The following HAT1 variants were observed in gnomAD, a reference collection of about 807,000 sequenced individuals.
HAT1 encodes the protein histone acetyltransferase 1.
HAT1 carries 20 observed loss-of-function variants against 56.6 expected under a neutral mutation model. That is an observed-to-expected ratio of 0.35 (90% CI 0.25 to 0.51). The LOEUF (loss-of-function observed/expected upper bound fraction) is 0.51, where lower values mean the gene tolerates loss of function less well. Among genes scored for constraint, HAT1 ranks in the 20% least tolerant of loss-of-function variants. HAT1 has a pLI of 0.95. For missense variants in HAT1, 408 were observed against 504.3 expected (o/e 0.81, Z 1.83); for synonymous variants, 146 against 165.5 (o/e 0.88, Z 0.91).
In HAT1 at chr2:171,970,748, A is replaced by G. The variant is rs1201291155; in HGVS notation, c.823+3799A>G. Among the ~76,000 whole-genome samples the G allele has an allele frequency of 4.0e-5, 6 of 149,960 alleles. No homozygotes were observed. In the South Asian group the frequency reaches 1.1e-3, roughly 26 times the overall value. ...TTGGCCAGGCTGGTCTCGAACTCCT[A>G]ACCTTGTGACCCTCCGGCCTCGGCC... On this transcript the variant is annotated intron_variant, in intron 8 of 10. Transcript: ENST00000264108.
chr2:171,927,601 A>G (rs1056417289), intron 2 of HAT1, among the ~76,000 whole-genome samples: 1 of 152,060 alleles, frequency 6.6e-6, no homozygotes, highest in Non-Finnish European at 1.5e-5. Context: ...ATTTTATTTT[A>G]TTTTAGAGAC....
At chr2:171,925,676 T>C in intron 2 of HAT1, 35 bp downstream of exon 2, 3 of 859,134 alleles carry the variant, frequency 3.5e-6, no homozygotes, top group Non-Finnish European at 6.1e-6. Context: ...GTTATGTACA[T>C]ACTGTGTGTG....
At chr2:171,983,157 G>T in intron 10 of HAT1, 28 bp from the exon 11 acceptor site, 1 of 1,391,056 alleles carries the variant, frequency 7.2e-7, no homozygotes, top group Non-Finnish European at 9.8e-7. Flanking sequence ...TACTTTCTTC[G>T]TCTAACAAAT....
intron 1 of HAT1, 74 bp downstream of exon 1, chr2:171,922,581 CAA>C (rs1686465330): frequency 8.4e-7 from 1 of 1,195,334 alleles, no homozygotes; most frequent in Non-Finnish European, 1.1e-6. Flanking sequence ...ACGGTGGTGA[CAA>C]TGCCCGCCTA....
chr2:171,979,223 G>A (rs1337337929), intron 9 of HAT1, 24 bp from the exon 10 acceptor site: 13 of 1,065,612 alleles, frequency 1.2e-5, no homozygotes, highest in Non-Finnish European at 1.5e-5. Context: ...GAAAATGTTC[G>A]CATTTTCTTT....
intron 4 of HAT1, 97 bp downstream of exon 4, chr2:171,953,098 A>G: frequency 6.1e-6 from 4 of 654,516 alleles, no homozygotes; most frequent in Non-Finnish European, 7.2e-6. Context: ...TAACCCCAGC[A>G]GTTTGGGGGA....
At chr2:171,957,742 A>G (rs1021231082) in intron 4 of HAT1, among the ~76,000 whole-genome samples, 4 of 152,208 alleles carry the variant, frequency 2.6e-5, no homozygotes, top group African/African-American at 4.8e-5. Context: ...AAACTTCACC[A>G]TTGATTTTTT....
In HAT1 at chr2:171,983,347, GAGTAAAGATTAT is replaced by G; in HGVS notation, c.1257_*8del. On this transcript the variant is annotated stop_lost and 3_prime_UTR_variant, in exon 11 of 11. Transcript: ENST00000264108. ...GCGTGTTATTGAACGACTTGCTCAA[GAGTAAAGATTAT>G]ACTGCTCTGTACAGGAAGCTTGCAA... 1 of 1,599,268 alleles carries G rather than the reference GAGTAAAGATTAT, an allele frequency of 6.3e-7. No individual in the cohort carries two copies.
intron 8 of HAT1, among the ~76,000 whole-genome samples, chr2:171,973,006 A>G (rs1015728540): frequency 5.3e-5 from 8 of 152,078 alleles, no homozygotes; most frequent in Non-Finnish European, 8.8e-5. Context: ...CTTCATGTCA[A>G]TGAGCTGTTC....
chr2:171,934,952 C>T (rs903056060), intron 2 of HAT1, among the ~76,000 whole-genome samples: 11 of 150,928 alleles, frequency 7.3e-5, no homozygotes, highest in Admixed American at 1.3e-4. Flanking sequence ...GGCGGGGTTT[C>T]GCCATGTTGG....
chr2:171,958,082 CCT>C (rs1167691651), intron 4 of HAT1, among the ~76,000 whole-genome samples: 8 of 152,036 alleles, frequency 5.3e-5, no homozygotes, highest in Non-Finnish European at 1.2e-4. Context: ...GTTAAAACCT[CCT>C]CTCATTACTG....
intron 2 of HAT1, among the ~76,000 whole-genome samples, chr2:171,945,258 A>G (rs1009130728): frequency 1.3e-5 from 2 of 152,048 alleles, no homozygotes; most frequent in Non-Finnish European, 2.9e-5. Flanking sequence ...TCAGGGAACT[A>G]TCTAGTATTT....
intron 8 of HAT1, among the ~76,000 whole-genome samples, chr2:171,975,870 A>G (rs1687949125): frequency 6.7e-6 from 1 of 150,110 alleles, no homozygotes; most frequent in Admixed American, 6.6e-5. Context: ...CTCTATTATT[A>G]TTATTGCTTC....
intron 2 of HAT1, among the ~76,000 whole-genome samples, chr2:171,941,186 C>T (rs1687009327): frequency 6.6e-6 from 1 of 152,044 alleles, no homozygotes; most frequent in African/African-American, 2.4e-5. Flanking sequence ...ACTCACTACT[C>T]ACTGATAGGG....
chr2:171,932,400 G>A lies in HAT1; in HGVS notation c.112+6759G>A, dbSNP rs182974699. ...ACCAGTGAAGTTTTATGTGCCTTGA[G>A]TTTTCTTTGTTGGAAGGTTTTTAAC... On this transcript the variant is annotated intron_variant, in intron 2 of 10. Coordinates refer to ENST00000264108, the MANE Select transcript of HAT1 (RefSeq NM_003642.4). 1.1e-3 allele frequency among the ~76,000 whole-genome samples: 163 copies of A among 152,238 alleles called. 2 individuals carry two copies. In the South Asian group the frequency reaches 0.011, roughly 10 times the overall value.
chr2:171,969,577 T>C (rs1407951744), intron 8 of HAT1, among the ~76,000 whole-genome samples: 1 of 152,232 alleles, frequency 6.6e-6, no homozygotes, highest in Non-Finnish European at 1.5e-5. Context: ...AACAAAGGAA[T>C]TGAAGGATGT....
chr2:171,955,567 C>T (rs757658902), intron 4 of HAT1, among the ~76,000 whole-genome samples: 18 of 151,792 alleles, frequency 1.2e-4, no homozygotes, highest in East Asian at 7.8e-4. Context: ...GCCAAGATCG[C>T]GCCATTCATT....
chr2:171,965,394 C>G lies in HAT1; in HGVS notation c.366C>G (p.Asn122Lys), dbSNP rs1032767549. The G allele has an allele frequency of 6.2e-7, 1 of 1,611,742 alleles. No homozygotes were observed. The highest frequency in any genetic ancestry group is 8.5e-7 in the Non-Finnish European group (1 of 1,178,138). The change falls in exon 5 of 11, where the codon AAC becomes AAG. Residue 122 changes from asparagine (N) to lysine (K), a missense_variant. By Grantham distance (94) the Asn-to-Lys change is moderately conservative. Coordinates refer to ENST00000264108, the MANE Select transcript of HAT1 (RefSeq NM_003642.4). The part of the protein sequence containing the change: ...RQIIPPGFCT[N>K]TNDFLSLLEK... ...TCATTCCACCTGGATTTTGCACAAA[C>G]ACGAATGATTTCCTTTCTTTACTGG...
At chr2:171,944,649 T>A (rs1167025638) in intron 2 of HAT1, among the ~76,000 whole-genome samples, 2 of 152,208 alleles carry the variant, frequency 1.3e-5, no homozygotes, top group African/African-American at 2.4e-5. Context: ...TACTGAGGGA[T>A]GACTGTACTT....
Sources: allele counts gnomAD v4.1 joint callset (sites outside exome capture counted in the v4.1 genomes callset), GRCh38; gene constraint gnomAD v4.1.1; transcripts MANE v1.5; gene names NCBI Gene and HGNC (gene_info 2026-07-23, HGNC 2026-07-21).